MICU3: variants seen among roughly 807,000 people sequenced by gnomAD.
MICU3 encodes mitochondrial calcium uptake 3, also known as calcium uptake protein 3, mitochondrial.
Under a neutral mutation model 66.5 loss-of-function variants are expected in MICU3, and 62 were observed. The ratio of observed to expected loss-of-function variants is 0.93; its 90% CI spans 0.76 to 1.15. The LOEUF is 1.15. Ranked by LOEUF, MICU3 falls within the 50% of genes most tolerant of loss-of-function variation. The probability of loss-of-function intolerance (pLI) is 0.00; values close to 1 mark genes in which losing one functional copy is unlikely to be tolerated. For synonymous variants in MICU3, 308 were observed against 240.7 expected, an observed-to-expected ratio of 1.28 and a Z score of -2.59; for missense variants, 779 against 664.4, an observed-to-expected ratio of 1.17 and a Z score of -1.90.
Position 17,120,857 on chromosome 8 carries a change from G to T in MICU3, c.*570G>T, listed in dbSNP as rs557016903. 1 of 152,256 alleles carries T rather than the reference G, an allele frequency of 6.6e-6. No individual in the cohort carries two copies. Among genetic ancestry groups the T allele is most frequent in the East Asian group, 1.9e-4 (1 of 5,194 alleles). 9.4% of individuals were successfully genotyped at this position (152,256 alleles called of 1,614,324 possible). On this transcript the variant is annotated 3_prime_UTR_variant, in exon 15 of 15. Coordinates refer to ENST00000318063, the MANE Select transcript of MICU3 (RefSeq NM_181723.3). The stretch of plus-strand genomic sequence containing the variant: ...GCTACTATATAAAACAATTGTTTAC[G>T]TGTACTTTTAACTTTTAAAAGTACT...
chr8:17,113,252 C>T (rs1802370640), intron 11 of MICU3, among the ~76,000 whole-genome samples: 1 of 152,156 alleles, frequency 6.6e-6, no homozygotes, highest in South Asian at 2.1e-4. Context: ...TTTGTTAGGC[C>T]TCAACTCGGC....
Position 17,034,318 on chromosome 8 carries a change from A to G in MICU3, c.381+6658A>G, listed in dbSNP as rs138391351. Among the ~76,000 whole-genome samples the G allele has an allele frequency of 1.4e-3, 213 of 152,368 alleles. 1 individual carries two copies. The highest frequency in any genetic ancestry group is 2.1e-3 in the Non-Finnish European group (141 of 68,036). On this transcript the variant is annotated intron_variant, in intron 1 of 14. Transcript: ENST00000318063. Reference sequence around the variant, plus strand: ...ATTACTGCTCATTGACAATGTACGTAGTCACCCAAGAGGTCTGATGGAGAT... The same window carrying G: ...ATTACTGCTCATTGACAATGTACGTGGTCACCCAAGAGGTCTGATGGAGAT...
intron 1 of MICU3, among the ~76,000 whole-genome samples, chr8:17,037,741 T>C (rs1813292157): frequency 6.6e-6 from 1 of 151,946 alleles, no homozygotes; most frequent in Admixed American, 6.6e-5. Flanking sequence ...CCACAGACAC[T>C]CAACATCAGC....
chr8:17,100,715 T>C (rs1402711293), intron 9 of MICU3, among the ~76,000 whole-genome samples: 1 of 151,748 alleles, frequency 6.6e-6, no homozygotes, highest in Non-Finnish European at 1.5e-5. Flanking sequence ...ACCATAGATT[T>C]TTAAAATTAC....
chr8:17,058,147 G>A (rs1196266166), intron 1 of MICU3, among the ~76,000 whole-genome samples: 4 of 152,096 alleles, frequency 2.6e-5, no homozygotes, highest in Admixed American at 6.6e-5. Context: ...TACACTTAGC[G>A]ACAAGTTTTT....
chr8:17,117,257 A>G (rs1802769504), intron 13 of MICU3, among the ~76,000 whole-genome samples: 1 of 152,034 alleles, frequency 6.6e-6, no homozygotes, highest in Non-Finnish European at 1.5e-5. Context: ...AGATTACAGG[A>G]ATGAACCACC....
rs573292980 is a variant in MICU3 at position 17,094,496 on chromosome 8, AT to A, written c.888+3916del. 4.9e-4 allele frequency among the ~76,000 whole-genome samples: 74 copies of A among 152,130 alleles called. 1 individual carries two copies. The highest frequency in any genetic ancestry group is 2.3e-3 in the South Asian group (11 of 4,828). On this transcript the variant is annotated intron_variant, in intron 8 of 14. Coordinates refer to ENST00000318063, the MANE Select transcript of MICU3 (RefSeq NM_181723.3). ...TGAGAAGAGTGATATTGTTTTACAT[AT>A]TTTGCAGATCTCTTTAATGTCTAGC... is the stretch of plus-strand genomic sequence containing the variant.
chr8:17,029,649 G>C (rs1811678354), intron 1 of MICU3, among the ~76,000 whole-genome samples: 1 of 152,000 alleles, frequency 6.6e-6, no homozygotes, highest in African/African-American at 2.4e-5. Context: ...CATGCCTTTT[G>C]TATTTCCCTC....
chr8:17,069,453 G>C (rs1186092821), intron 2 of MICU3, among the ~76,000 whole-genome samples: 1 of 151,964 alleles, frequency 6.6e-6, no homozygotes. Flanking sequence ...TACGGCTGTG[G>C]AGAAATGTTT....
In MICU3 at chr8:17,096,876, T is replaced by C. The variant is rs569845714; in HGVS notation, c.889-1582T>C. Among the ~76,000 whole-genome samples the C allele has an allele frequency of 4.6e-5, 7 of 151,956 alleles. No homozygotes were observed. In the East Asian group the frequency reaches 1.4e-3, roughly 29 times the overall value. On this transcript the variant is annotated intron_variant, in intron 8 of 14. Coordinates refer to ENST00000318063, the MANE Select transcript of MICU3 (RefSeq NM_181723.3). ...AACCCCAACATTTGGAAATAATTAA[T>C]ATATTTACTTCTTTTTCTTGTCCAC...
chr8:17,077,751 C>T, intron 3 of MICU3, 32 bp from the exon 4 acceptor site: 1 of 1,462,452 alleles, frequency 6.8e-7, no homozygotes. Context: ...AAGTTGTTTA[C>T]CAATTCATCA....
Position 17,027,318 on chromosome 8 carries a change from G to T in MICU3, c.39G>T (p.Arg13=). ...GAAGGCTCTTGTGGCCGCCACCCCG[G>T]GTGTCTCCTCCACTCTGCGCTCACC... is the stretch of plus-strand genomic sequence containing the variant. ...ALRRLLWPPP[R]VSPPLCAHQP... is the part of the protein sequence containing the mutation. Residue 13 remains arginine, a synonymous_variant, in exon 1 of 15, where the codon CGG becomes CGT. Coordinates refer to ENST00000318063, the MANE Select transcript of MICU3 (RefSeq NM_181723.3). 3 of 1,420,258 alleles carry T rather than the reference G, an allele frequency of 2.1e-6. No individual in the cohort carries two copies. Among genetic ancestry groups the T allele is most frequent in the Non-Finnish European group, 9.3e-7 (1 of 1,075,620 alleles). 88.0% of individuals were successfully genotyped at this position (1,420,258 alleles called of 1,614,324 possible). A position where few individuals can be genotyped will look rare whatever the true frequency, so the allele number is the denominator to read the frequency against.
At chr8:17,115,430 A>G (rs1353091147) in intron 12 of MICU3, among the ~76,000 whole-genome samples, 1 of 152,216 alleles carries the variant, frequency 6.6e-6, no homozygotes, top group Non-Finnish European at 1.5e-5. Context: ...CAACGTGCAA[A>G]GAAACAAATC....
intron 1 of MICU3, among the ~76,000 whole-genome samples, chr8:17,043,039 A>T (rs113422738): frequency 2.2e-5 from 3 of 136,910 alleles, no homozygotes; most frequent in African/African-American, 8.5e-5. Flanking sequence ...TCTTGGGTTC[A>T]TGCCATTCTC....
At chr8:17,049,494 A>G in intron 1 of MICU3, 2 of 484,370 alleles carry the variant, frequency 4.1e-6, no homozygotes, top group Admixed American at 4.0e-5. Context: ...TTTAATCTTT[A>G]CAGTTTGTGG....
intron 1 of MICU3, among the ~76,000 whole-genome samples, chr8:17,051,427 A>G (rs1816060333): frequency 6.6e-6 from 1 of 152,220 alleles, no homozygotes; most frequent in African/African-American, 2.4e-5. Flanking sequence ...GGAATGCAGG[A>G]GACAAATTTT....
chr8:17,113,004 TGTAAG>T (rs1488002577), intron 11 of MICU3, among the ~76,000 whole-genome samples: 1 of 152,172 alleles, frequency 6.6e-6, no homozygotes, highest in Non-Finnish European at 1.5e-5. Flanking sequence ...AAATGATCAA[TGTAAG>T]GAAAGGAAAG....
intron 9 of MICU3, chr8:17,102,523 G>A (rs1425050279): frequency 1.3e-5 from 2 of 151,808 alleles, no homozygotes; most frequent in East Asian, 3.9e-4. Context: ...GTTAAAAAAA[G>A]TCAGTGACCC....
chr8:17,083,369 T>C (rs1821473965), intron 5 of MICU3, among the ~76,000 whole-genome samples: 1 of 152,130 alleles, frequency 6.6e-6, no homozygotes, highest in African/African-American at 2.4e-5. Context: ...GCATGACTCC[T>C]AAACCATAAT....
Sources: gnomAD v4.1 joint callset for allele counts (sites outside exome capture counted in the v4.1 genomes callset) on GRCh38, gnomAD v4.1.1 for gene constraint, MANE v1.5 for transcripts, NCBI Gene and HGNC (gene_info 2026-07-23, HGNC 2026-07-21) for gene names.